The following ZSWIM4 variants were observed in gnomAD, a reference collection of about 807,000 sequenced individuals.
ZSWIM4 encodes the protein zinc finger SWIM-type containing 4.
In ZSWIM4, 62 loss-of-function variants were observed where a neutral mutation model predicts 102.5. The observed-to-expected ratio is 0.60, with a 90% CI of 0.49 to 0.75. The LOEUF is 0.75. Among genes scored for constraint, ZSWIM4 ranks in the 30% least tolerant of loss-of-function variants. ZSWIM4 has a pLI of 0.00. For missense variants in ZSWIM4, 1,280 were observed against 1,529.6 expected (o/e 0.84, Z 2.72); for synonymous variants, 652 against 674.5 (o/e 0.97, Z 0.52).
At chr19:13,829,114 AAGAGAGAG>A (rs371477283) in intron 13 of ZSWIM4, among the ~76,000 whole-genome samples, 1 of 148,196 alleles carries the variant, frequency 6.7e-6, no homozygotes, top group African/African-American at 2.5e-5. Context: ...GGAAAAAAAA[AAGAGAGAG>A]AGAGAGAGAG....
At position 13,823,394 on chromosome 19, in the gene ZSWIM4, C is replaced by T; in HGVS notation, c.2109C>T (p.Ser703=). ...TTCCTGCTGGAGAACCTCATCCCAG[C>T]CCGCTGGACTCCATCATGAGCAACC... ...TAFPAGEPHP[S]PLDSIMSNRF... Residue 703 remains serine (S), a synonymous_variant, in exon 11 of 14, where the codon AGC becomes AGT. Transcript: ENST00000590508. 1 of 1,613,952 alleles carries T rather than the reference C, an allele frequency of 6.2e-7. No homozygotes were observed. The highest frequency in any genetic ancestry group is 8.5e-7 in the Non-Finnish European group (1 of 1,179,934).
rs1489532263 is a variant in ZSWIM4, at chr19:13,830,414, C to T, written c.2685C>T (p.Cys895=). 1 of 1,611,484 alleles carries T rather than the reference C, an allele frequency of 6.2e-7. No individual in the cohort carries two copies. The highest frequency in any genetic ancestry group is 8.5e-7 in the Non-Finnish European group (1 of 1,179,940). The change falls in exon 14 of 14, where the codon TGC becomes TGT. Residue 895 remains cysteine, a synonymous_variant. Coordinates refer to ENST00000590508, the MANE Select transcript of ZSWIM4 (RefSeq NM_001367834.3). The stretch of plus-strand genomic sequence containing the variant: ...GCGCCTTGCCTGCCCTGACCCTGTG[C>T]GAGAAGAACCACTCGGCCTTCGAGG... The part of the protein sequence containing the change: ...QNCALPALTL[C]EKNHSAFEAA...
chr19:13,803,183 G>A (rs1283805221), intron 2 of ZSWIM4, among the ~76,000 whole-genome samples: 3 of 152,144 alleles, frequency 2.0e-5, no homozygotes, highest in Admixed American at 6.6e-5. Context: ...CGCTGACCAC[G>A]GGCTCCTTGC....
At chr19:13,829,144 G>A (rs1290177136) in intron 13 of ZSWIM4, among the ~76,000 whole-genome samples, 1 of 151,292 alleles carries the variant, frequency 6.6e-6, no homozygotes, top group South Asian at 2.1e-4. Flanking sequence ...AGCAAGCCAG[G>A]CATGGTGGCA....
Position 13,817,131 on chromosome 19 carries a change from C to G in ZSWIM4, c.1532-85C>G, listed in dbSNP as rs1049848540. ...GGTGGGCATTATGGGGCTAGGCTGG[C>G]TGGCAGGTCAAGAAGAGGAATATCC... is the stretch of plus-strand genomic sequence containing the variant. On this transcript the variant is annotated intron_variant, in intron 7 of 13. Coordinates refer to ENST00000590508, the MANE Select transcript of ZSWIM4 (RefSeq NM_001367834.3). 4.3e-5 allele frequency: 65 copies of G among 1,505,324 alleles called. 1 individual carries two copies. The African/African-American group carries it at 8.3e-4, about 19-fold the overall frequency. 93.2% of individuals were successfully genotyped at this position (1,505,324 alleles called of 1,614,324 possible).
chr19:13,800,026 C>T, intron 2 of ZSWIM4, 105 bp downstream of exon 2: 1 of 1,088,344 alleles, frequency 9.2e-7, no homozygotes, highest in Non-Finnish European at 1.3e-6. Flanking sequence ...TGGGAGGTTA[C>T]AGACCTCAGG....
Position 13,831,218 on chromosome 19 carries a change from C to A in ZSWIM4, c.*168C>A. 2 of 862,330 alleles carry A rather than the reference C, an allele frequency of 2.3e-6. No homozygotes were observed. The highest frequency in any genetic ancestry group is 3.4e-6 in the Non-Finnish European group (2 of 582,378). The allele number at this position is 862,330 out of a possible 1,614,324, so 53.4% of individuals were successfully genotyped here. A position where few individuals can be genotyped will look rare whatever the true frequency, so the allele number is the denominator to read the frequency against. ...TCCTGCCACGTGTGTGCCTGGGAGT[C>A]TGTGAGCAAGTGTGCAAGACTCCAG... On this transcript the variant is annotated 3_prime_UTR_variant, in exon 14 of 14. Coordinates refer to ENST00000590508, the MANE Select transcript of ZSWIM4 (RefSeq NM_001367834.3).
rs34724629 is a variant in ZSWIM4, at chr19:13,832,230, C to CAAAAAAAAAAAAAAA, written c.*1190_*1204dup. ...CACACCCTCAACCTCGTTTCCTCCGCAAAAAAAAAAAAAAAAAAAAAAAAT... is the reference window on the plus strand; with the variant it reads ...CACACCCTCAACCTCGTTTCCTCCGCAAAAAAAAAAAAAAAAAAAAAAAAAAAAAAAAAAAAAAAT... On this transcript the variant is annotated 3_prime_UTR_variant, in exon 14 of 14. Transcript: ENST00000590508. 1.8e-5 allele frequency: 1 copy of CAAAAAAAAAAAAAAA among 55,266 alleles called. No homozygotes were observed. Among genetic ancestry groups the CAAAAAAAAAAAAAAA allele is most frequent in the African/African-American group, 7.3e-5 (1 of 13,706 alleles). 3.4% of individuals were successfully genotyped at this position (55,266 alleles called of 1,614,324 possible).
Position 13,825,720 on chromosome 19 carries a change from GC to G in ZSWIM4, c.2379+8del, listed in dbSNP as rs773071922. 45 of 1,593,240 alleles carry G rather than the reference GC, an allele frequency of 2.8e-5. No individual in the cohort carries two copies. Among genetic ancestry groups the G allele is most frequent in the Admixed American group, 5.1e-5 (3 of 58,994 alleles). The stretch of plus-strand genomic sequence containing the variant: ...ACTGGAGCTGGGGCTGCAGGTGAGG[GC>G]TGCCAGGTGGATGCGGGAGGGCGAT... On this transcript the variant is annotated splice_region_variant and intron_variant, in intron 12 of 13. Coordinates refer to ENST00000590508, the MANE Select transcript of ZSWIM4 (RefSeq NM_001367834.3). The surrounding 1 kb of genome is among the most constrained non-coding windows in gnomAD (Gnocchi z 4.6).
intron 2 of ZSWIM4, among the ~76,000 whole-genome samples, chr19:13,801,541 C>T (rs954458835): frequency 1.3e-5 from 2 of 151,970 alleles, no homozygotes; most frequent in Admixed American, 1.3e-4. Flanking sequence ...AGATTTAGAG[C>T]CACAGGTGAG....
chr19:13,825,044 C>CT lies in ZSWIM4; in HGVS notation c.2216-492dup, dbSNP rs74181840. ...AGGATCCCTAGGTGGCTTTTCTTTT[C>CT]TTTTTTTTTTTTTTGAGATGGATAT... On this transcript the variant is annotated intron_variant, in intron 11 of 13. Transcript: ENST00000590508. This position sits in a 1 kb window ranked among gnomAD's most constrained non-coding sequence, Gnocchi z 4.6. 0.048 allele frequency among the ~76,000 whole-genome samples: 5,090 copies of CT among 106,558 alleles called. 228 individuals carry two copies. Among genetic ancestry groups the CT allele is most frequent in the African/African-American group, 0.16 (4,178 of 25,882 alleles). The allele number at this position is 106,558 out of a possible 152,430, so 69.9% of individuals were successfully genotyped here. A position where few individuals can be genotyped will look rare whatever the true frequency, so the allele number is the denominator to read the frequency against.
At chr19:13,826,941 TAGAC>T (rs149043104) in intron 12 of ZSWIM4, among the ~76,000 whole-genome samples, 4,027 of 151,746 alleles carry the variant, frequency 0.027, 165 homozygotes, top group African/African-American at 0.093. Context: ...GTCTGCAGGA[TAGAC>T]AGGTAAGGGG....
rs1975740462 is a variant in ZSWIM4, at chr19:13,830,708, C to A, written c.2979C>A (p.Ala993=). 3 of 1,607,904 alleles carry A rather than the reference C, an allele frequency of 1.9e-6. No homozygotes were observed. The highest frequency in any genetic ancestry group is 8.5e-7 in the Non-Finnish European group (1 of 1,178,938). Residue 993 remains alanine, a synonymous_variant, in exon 14 of 14, where the codon GCC becomes GCA. Transcript: ENST00000590508. The part of the protein sequence containing the change: ...VPLIIRSIHC[A]PMLSDILRRW... ...TCATCATTCGCAGCATCCACTGTGC[C>A]CCAATGCTGTCCGATATTCTGCGCC...
intron 2 of ZSWIM4, among the ~76,000 whole-genome samples, chr19:13,801,796 C>T (rs1974777495): frequency 6.6e-6 from 1 of 151,148 alleles, no homozygotes; most frequent in Non-Finnish European, 1.5e-5. Context: ...CTCGGCCTCC[C>T]TAGTAGCTGG....
chr19:13,800,243 TC>T (rs1974728492), intron 2 of ZSWIM4, among the ~76,000 whole-genome samples: 5 of 86,428 alleles, frequency 5.8e-5, no homozygotes, highest in African/African-American at 3.5e-4. Flanking sequence ...TTTTTGTATT[TC>T]TTTTTTTTTT....
rs145192557 is a variant in ZSWIM4, at chr19:13,824,427, T to C, written c.2215+927T>C. 5.9e-4 allele frequency among the ~76,000 whole-genome samples: 89 copies of C among 151,764 alleles called. 1 individual carries two copies. The highest frequency in any genetic ancestry group is 2.0e-3 in the African/African-American group (82 of 41,354). On this transcript the variant is annotated intron_variant, in intron 11 of 13. Transcript: ENST00000590508. Reference sequence around the variant, plus strand: ...GCCTGGCCAATATGGTGAAACCCCATCTCTACTAAAAATGCAAAAATTAGC... The same window carrying C: ...GCCTGGCCAATATGGTGAAACCCCACCTCTACTAAAAATGCAAAAATTAGC...
intron 12 of ZSWIM4, among the ~76,000 whole-genome samples, chr19:13,827,588 C>CAAA (rs35504300): frequency 8.3e-5 from 6 of 72,502 alleles, no homozygotes; most frequent in Admixed American, 1.7e-4. Flanking sequence ...GTGAGACCCT[C>CAAA]AAAAAAAAAA....
intron 7 of ZSWIM4, 27 bp downstream of exon 7, chr19:13,814,892 C>T (rs982676097): frequency 1.3e-5 from 16 of 1,194,966 alleles, no homozygotes; most frequent in African/African-American, 4.7e-5. Context: ...CACGGGGGCT[C>T]GCACCTGTGA....
chr19:13,827,588 C>CAAAAAAAAAAAAAAAAAAAAAAAAA (rs35504300), intron 12 of ZSWIM4, among the ~76,000 whole-genome samples: 1 of 72,518 alleles, frequency 1.4e-5, no homozygotes, highest in Non-Finnish European at 2.7e-5. Flanking sequence ...GTGAGACCCT[C>CAAAAAAAAAAAAAAAAAAAAAAAAA]AAAAAAAAAA....
Sources: gnomAD v4.1 joint callset for allele counts (sites outside exome capture counted in the v4.1 genomes callset) on GRCh38, gnomAD v4.1.1 for gene constraint, Gnocchi (gnomAD v3.1) non-coding constraint, MANE v1.5 for transcripts, NCBI Gene and HGNC (gene_info 2026-07-23, HGNC 2026-07-21) for gene names.